Variants in ABI3BP observed in about 807,000 individuals in gnomAD.
The protein encoded by ABI3BP is ABI family member 3 binding protein, also known as target of Nesh-SH3.
ABI3BP carries 216 observed loss-of-function variants against 268.6 expected under a neutral mutation model. That is an observed-to-expected ratio of 0.80 (90% CI 0.72 to 0.90). The LOEUF (loss-of-function observed/expected upper bound fraction) is 0.90. Ranked by LOEUF, ABI3BP falls within the 40% of genes least tolerant of loss-of-function variation. The pLI, the probability that ABI3BP is intolerant of heterozygous loss-of-function variation, is 0.00. For missense variants in ABI3BP, 2,090 were observed against 2,182.4 expected (o/e 0.96, Z 0.84); for synonymous variants, 730 against 730.0 (o/e 1.00, Z 0.00).
Position 100,810,392 on chromosome 3 carries a change from A to G in ABI3BP, c.3607+20T>C, listed in dbSNP as rs1414733612. 2 of 1,520,382 alleles carry G rather than the reference A, an allele frequency of 1.3e-6. No individual in the cohort carries two copies. Among genetic ancestry groups the G allele is most frequent in the Admixed American group, 3.9e-5 (2 of 50,902 alleles). 94.2% of individuals were successfully genotyped at this position (1,520,382 alleles called of 1,614,324 possible). A position where few individuals can be genotyped will look rare whatever the true frequency, so the allele number is the denominator to read the frequency against. On this transcript the variant is annotated intron_variant, in intron 49 of 67. Transcript: ENST00000471714. ...TGCAAACACTCACCTCATATATGAC[A>G]TACAAAATAATGTATTTACCAGGTT...
chr3:100,815,848 A>G (rs1024933109), intron 44 of ABI3BP, 64 bp downstream of exon 44: 17 of 1,195,366 alleles, frequency 1.4e-5, no homozygotes, highest in Admixed American at 2.6e-5. Flanking sequence ...TGGTCATGAC[A>G]GTGCTCAAGT....
intron 6 of ABI3BP, among the ~76,000 whole-genome samples, chr3:100,883,464 T>C (rs2040412229): frequency 1.3e-5 from 2 of 152,028 alleles, no homozygotes; most frequent in African/African-American, 4.8e-5. Context: ...AAAGAACCCA[T>C]GAAACGCCCA....
At chr3:100,978,553 G>T (rs578010673) in intron 1 of ABI3BP, among the ~76,000 whole-genome samples, 13 of 152,176 alleles carry the variant, frequency 8.5e-5, no homozygotes, top group African/African-American at 3.1e-4. Flanking sequence ...TATGTCAAGC[G>T]AGTGCTGCCC....
intron 1 of ABI3BP, among the ~76,000 whole-genome samples, chr3:100,962,085 G>T (rs965497275): frequency 3.9e-5 from 6 of 152,142 alleles, no homozygotes; most frequent in Non-Finnish European, 7.4e-5. Flanking sequence ...CTAATCTCAA[G>T]TGGGTCCTCA....
At chr3:100,886,433 AT>A in intron 4 of ABI3BP, 110 bp from the exon 5 acceptor site, 1 of 745,146 alleles carries the variant, frequency 1.3e-6, no homozygotes, top group Non-Finnish European at 1.9e-6. Context: ...ACTATTTAAT[AT>A]TGGCTTCTCT....
Position 100,976,374 on chromosome 3 carries a change from C to T in ABI3BP, c.79+16932G>A, listed in dbSNP as rs575785109. On this transcript the variant is annotated intron_variant, in intron 1 of 67. Coordinates refer to ENST00000471714, the MANE Select transcript of ABI3BP (RefSeq NM_001375547.2). ...AAATTGTGCAGAATGGCAGAGAAGG[C>T]GCCCTGTTCAAAGCCTTCCCAATTC... Among the ~76,000 whole-genome samples the T allele has an allele frequency of 3.3e-5, 5 of 152,144 alleles. No individual in the cohort carries two copies. In the South Asian group the frequency reaches 6.2e-4, roughly 19 times the overall value.
intron 32 of ABI3BP, among the ~76,000 whole-genome samples, chr3:100,830,215 T>C (rs1264786510): frequency 7.3e-6 from 1 of 136,632 alleles, no homozygotes; most frequent in African/African-American, 2.7e-5. Context: ...GAGAACTATG[T>C]CACACCGTAA....
chr3:100,884,610 T>A (rs1370160), intron 6 of ABI3BP, among the ~76,000 whole-genome samples: 1 of 151,758 alleles, frequency 6.6e-6, no homozygotes, highest in African/African-American at 2.4e-5. Flanking sequence ...GGCTATTCTG[T>A]GGACTCCTTA....
At position 100,862,952 on chromosome 3, in the gene ABI3BP, G is replaced by A. The variant is rs926090724; in HGVS notation, c.1139-43C>T. On this transcript the variant is annotated intron_variant, in intron 12 of 67. Coordinates refer to ENST00000471714, the MANE Select transcript of ABI3BP (RefSeq NM_001375547.2). ...AAGAAAGTTACGACCTGAGGTGAAA[G>A]TAACAGGAAAGATTTTTAAAATTTT... is the stretch of plus-strand genomic sequence containing the variant. 3.6e-6 allele frequency: 5 copies of A among 1,403,546 alleles called. No individual in the cohort carries two copies. The South Asian group carries it at 5.2e-5, about 15-fold the overall frequency. 86.9% of individuals were successfully genotyped at this position (1,403,546 alleles called of 1,614,324 possible).
Position 100,875,517 on chromosome 3 carries a change from C to T in ABI3BP, c.808G>A (p.Val270Met). Residue 270 changes from valine to methionine, a missense_variant, in exon 8 of 68, where the codon GTG becomes ATG. By Grantham distance (21) the Val-to-Met change is conservative. Transcript: ENST00000471714. ...TTCGAGATCCACTCACCTAGTATCA[C>T]TCCTCCCAGTGGAGCTTTTTCTGGG... ...KSPEKAPLGG[V>M]ILVHLIIPGL... 4.3e-6 allele frequency: 7 copies of T among 1,610,890 alleles called. No homozygotes were observed. The highest frequency in any genetic ancestry group is 2.2e-5 in the East Asian group (1 of 44,862).
At chr3:100,906,590 T>C (rs985239091) in intron 2 of ABI3BP, among the ~76,000 whole-genome samples, 8 of 152,216 alleles carry the variant, frequency 5.3e-5, no homozygotes, top group Admixed American at 1.3e-4. Flanking sequence ...ATACCTAAAA[T>C]GTCAATTTAG....
intron 22 of ABI3BP, among the ~76,000 whole-genome samples, chr3:100,840,430 A>G (rs1251877091): frequency 2.0e-5 from 3 of 152,194 alleles, no homozygotes; most frequent in Admixed American, 2.0e-4. Context: ...AGCTTAGAGA[A>G]GATAGTCACT....
At chr3:100,817,525 A>C (rs535249935) in intron 41 of ABI3BP, 30 bp from the exon 42 acceptor site, 9 of 1,366,928 alleles carry the variant, frequency 6.6e-6, no homozygotes, top group African/African-American at 5.8e-5. Context: ...TAAAGCAAAA[A>C]GATTTAACTT....
At chr3:100,878,533 C>T (rs1211015572) in intron 6 of ABI3BP, among the ~76,000 whole-genome samples, 5 of 152,230 alleles carry the variant, frequency 3.3e-5, no homozygotes, top group African/African-American at 9.6e-5. Context: ...ATAATTTAGA[C>T]ATGCTCTTTC....
At position 100,886,225 on chromosome 3, in the gene ABI3BP, T is replaced by C. The variant is rs2041922291; in HGVS notation, c.560A>G (p.Asn187Ser). 2 of 1,611,236 alleles carry C rather than the reference T, an allele frequency of 1.2e-6. No individual in the cohort carries two copies. Among genetic ancestry groups the C allele is most frequent in the African/African-American group, 1.3e-5 (1 of 74,764 alleles). The change falls in exon 5 of 68, where the codon AAC (asparagine) becomes AGC (serine). Residue 187 changes from asparagine (N) to serine (S), a missense_variant. Transcript: ENST00000471714. ...TETIVENLKP[N>S]TVYEFGVKDN... ...TTTCACTCCAAATTCATAAACTGTG[T>C]TGGGCTTTAGGTTTTCCACAATTGT...
At chr3:100,873,570 C>T (rs1371174647) in intron 9 of ABI3BP, among the ~76,000 whole-genome samples, 1 of 152,208 alleles carries the variant, frequency 6.6e-6, no homozygotes, top group Non-Finnish European at 1.5e-5. Flanking sequence ...AAGCCCTGAC[C>T]TGACCAGAGG....
At chr3:100,867,351 A>G (rs2099061772) in intron 9 of ABI3BP, among the ~76,000 whole-genome samples, 1 of 152,108 alleles carries the variant, frequency 6.6e-6, no homozygotes, top group African/African-American at 2.4e-5. Context: ...CAACCTATAG[A>G]AAATTTCCGG....
chr3:100,779,902 T>G (rs1376985802), intron 58 of ABI3BP, among the ~76,000 whole-genome samples: 1 of 152,234 alleles, frequency 6.6e-6, no homozygotes, highest in African/African-American at 2.4e-5. Context: ...ATTAAGTTAG[T>G]ATCACATCAG....
At chr3:100,788,102 T>C (rs1170365018) in intron 56 of ABI3BP, among the ~76,000 whole-genome samples, 1 of 152,158 alleles carries the variant, frequency 6.6e-6, no homozygotes, top group Non-Finnish European at 1.5e-5. Context: ...TTATAGGCAT[T>C]AGATACATTC....
Sources: allele counts gnomAD v4.1 joint callset (sites outside exome capture counted in the v4.1 genomes callset), GRCh38; gene constraint gnomAD v4.1.1; transcripts MANE v1.5; gene names NCBI Gene and HGNC (gene_info 2026-07-23, HGNC 2026-07-21).